Variants in NRBP1 observed in about 807,000 individuals in gnomAD.
NRBP1 encodes the protein nuclear receptor binding protein 1.
In NRBP1, 10 loss-of-function variants were observed where a neutral mutation model predicts 76.0. The observed-to-expected ratio is 0.13, with a 90% CI of 0.08 to 0.22. The LOEUF (loss-of-function observed/expected upper bound fraction) is 0.22. Among genes scored for constraint, NRBP1 ranks in the 10% least tolerant of loss-of-function variants. The probability of loss-of-function intolerance (pLI) is 1.00; values close to 1 mark genes in which losing one functional copy is unlikely to be tolerated. For missense variants in NRBP1, 344 were observed against 646.0 expected (o/e 0.53, Z 5.07); for synonymous variants, 235 against 240.2 (o/e 0.98, Z 0.20).
chr2:27,433,687 T>C lies in NRBP1; in HGVS notation c.225T>C (p.Asn75=). The part of the protein sequence containing the change: ...QKRREEVNQR[N]VPGIDSAYLA... ...TTTCTTCTCAGGTGAATCAACGGAA[T>C]GTACCAGGTATTGACAGTGCATACC... The change falls in exon 3 of 18, where the codon AAT becomes AAC. Residue 75 remains asparagine, a synonymous_variant. Coordinates refer to ENST00000379852, the MANE Select transcript of NRBP1 (RefSeq NM_013392.4). 1 of 1,614,142 alleles carries C rather than the reference T, an allele frequency of 6.2e-7. No homozygotes were observed. The highest frequency in any genetic ancestry group is 8.5e-7 in the Non-Finnish European group (1 of 1,179,994).
chr2:27,431,222 C>T (rs1206229303), intron 1 of NRBP1, among the ~76,000 whole-genome samples: 1 of 152,202 alleles, frequency 6.6e-6, no homozygotes, highest in African/African-American at 2.4e-5. Flanking sequence ...ATCGCTTGAA[C>T]CTGGGAGGCG....
intron 9 of NRBP1, 72 bp downstream of exon 9, chr2:27,437,177 G>GT: frequency 6.3e-7 from 1 of 1,580,786 alleles, no homozygotes; most frequent in African/African-American, 1.3e-5. Context: ...GGGAAGACAA[G>GT]TAAGGCGCTG....
chr2:27,435,561 G>A, intron 7 of NRBP1: 3 of 660,562 alleles, frequency 4.5e-6, no homozygotes, highest in Non-Finnish European at 5.6e-6. Flanking sequence ...CCTGCTGTGA[G>A]TGCTTTCGTT....
chr2:27,434,693 G>C (rs546847580), intron 5 of NRBP1, 29 bp from the exon 6 acceptor site: 4 of 1,613,978 alleles, frequency 2.5e-6, no homozygotes, highest in African/African-American at 2.7e-5. Flanking sequence ...GGGAATTACT[G>C]CTGACCCTTG....
At chr2:27,430,157 G>A (rs758282738) in intron 1 of NRBP1, among the ~76,000 whole-genome samples, 5 of 152,010 alleles carry the variant, frequency 3.3e-5, no homozygotes, top group Non-Finnish European at 5.9e-5. Flanking sequence ...ATGAGCCAGC[G>A]CGCCTGGCAA....
At chr2:27,434,603 G>A in intron 5 of NRBP1, 43 bp downstream of exon 5, 1 of 1,599,696 alleles carries the variant, frequency 6.3e-7, no homozygotes. Flanking sequence ...GGTTTTTGGG[G>A]GTGGTTTTAA....
chr2:27,439,227 C>T (rs1664427433), intron 10 of NRBP1, among the ~76,000 whole-genome samples: 2 of 152,050 alleles, frequency 1.3e-5, no homozygotes, highest in African/African-American at 4.8e-5. Flanking sequence ...GTGTCTCATG[C>T]CTGTAATACC....
rs552338858 is a variant in NRBP1, at chr2:27,433,567, C to A, written c.210+84C>A. ...AGAGCAAAGTCTTAAAAGAGGCCAA[C>A]CAAACTTCAATAGGTTGGGGGCTAG... On this transcript the variant is annotated intron_variant, in intron 2 of 17. Transcript: ENST00000379852. The A allele has an allele frequency of 3.7e-6, 6 of 1,602,166 alleles. No individual in the cohort carries two copies. In the East Asian group the frequency reaches 1.3e-4, roughly 36 times the overall value.
At chr2:27,436,230 G>C (rs1286001298) in intron 7 of NRBP1, 1 of 213,028 alleles carries the variant, frequency 4.7e-6, no homozygotes, top group African/African-American at 2.3e-5. Context: ...GCAAAGGTGG[G>C]TAAGAAGGAG....
intron 6 of NRBP1, 33 bp from the exon 7 acceptor site, chr2:27,435,100 A>G: frequency 6.7e-7 from 1 of 1,482,522 alleles, no homozygotes; most frequent in Non-Finnish European, 9.4e-7. Flanking sequence ...TTAATTTCCC[A>G]GTGGCCCCTC....
intron 1 of NRBP1, 96 bp downstream of exon 1, chr2:27,428,827 C>T: frequency 2.5e-6 from 1 of 397,800 alleles, no homozygotes; most frequent in Non-Finnish European, 4.4e-6. Flanking sequence ...ACCCGCCAGT[C>T]GGGTGCTGAA....
intron 1 of NRBP1, among the ~76,000 whole-genome samples, chr2:27,432,443 G>GT (rs1664146445): frequency 6.6e-6 from 1 of 152,100 alleles, no homozygotes; most frequent in African/African-American, 2.4e-5. Flanking sequence ...GGTGGTGTGT[G>GT]TTTTCTATTT....
chr2:27,440,765 G>T, intron 13 of NRBP1, 40 bp from the exon 14 acceptor site: 1 of 1,614,078 alleles, frequency 6.2e-7, no homozygotes. Context: ...ATCCTAAGGC[G>T]TTCACAGAGC....
intron 4 of NRBP1, among the ~76,000 whole-genome samples, 158 bp downstream of exon 4, chr2:27,434,248 A>G (rs1664223422): frequency 6.6e-6 from 1 of 152,206 alleles, no homozygotes; most frequent in African/African-American, 2.4e-5. Flanking sequence ...GTTGTCACCT[A>G]TGCCTTTTGT....
At chr2:27,439,959 G>A (rs1664462330) in intron 11 of NRBP1, 61 bp downstream of exon 11, 1 of 1,276,150 alleles carries the variant, frequency 7.8e-7, no homozygotes, top group African/African-American at 1.5e-5. Flanking sequence ...AACTATCACT[G>A]GCATGCTTGT....
In NRBP1 at chr2:27,441,713, C is replaced by T. The variant is rs201547947; in HGVS notation, c.1509C>T (p.Asp503=). 31 of 1,613,420 alleles carry T rather than the reference C, an allele frequency of 1.9e-5. No homozygotes were observed. The Admixed American group carries it at 4.2e-4, about 22-fold the overall frequency. Residue 503 remains aspartate, a synonymous_variant, in exon 18 of 18, where the codon GAC becomes GAT. Coordinates refer to ENST00000379852, the MANE Select transcript of NRBP1 (RefSeq NM_013392.4). The part of the protein sequence containing the change: ...LVQLGFISEA[D]QSRLTSLLEE... ...ACTGAGCTCTTCTCCCCCAGGCTGA[C>T]CAGAGCCGGTTGACTTCTCTGCTAG... is the stretch of plus-strand genomic sequence containing the variant.
intron 1 of NRBP1, among the ~76,000 whole-genome samples, chr2:27,431,373 T>C (rs916692531): frequency 3.9e-5 from 6 of 152,248 alleles, no homozygotes; most frequent in African/African-American, 1.4e-4. Context: ...CTTTGAGCAA[T>C]GTGAATGAAA....
upstream of NRBP1, chr2:27,428,079 C>T (rs928855728): frequency 6.6e-6 from 1 of 152,196 alleles, no homozygotes; most frequent in Admixed American, 6.5e-5. Flanking sequence ...TGAGTTCGTT[C>T]TTATGAGGAT....
chr2:27,435,881 C>G (rs1664288155), intron 7 of NRBP1: 2 of 692,136 alleles, frequency 2.9e-6, no homozygotes, highest in Non-Finnish European at 5.4e-6. Context: ...TGCTTAGCTT[C>G]TGCCCTGCCA....
Sources: gnomAD v4.1 joint callset for allele counts (sites outside exome capture counted in the v4.1 genomes callset) on GRCh38, gnomAD v4.1.1 for gene constraint, MANE v1.5 for transcripts, NCBI Gene and HGNC (gene_info 2026-07-23, HGNC 2026-07-21) for gene names.